The following DYM variants were observed in gnomAD, a reference collection of about 807,000 sequenced individuals.
DYM encodes dyggve-Melchior-Clausen syndrome protein.
Under a neutral mutation model 93.1 loss-of-function variants are expected in DYM, and 78 were observed. The ratio of observed to expected loss-of-function variants is 0.84; its 90% CI spans 0.70 to 1.01. The LOEUF (loss-of-function observed/expected upper bound fraction) is 1.01, where lower values mean the gene tolerates loss of function less well. Ranked by LOEUF, DYM falls within the 50% of genes least tolerant of loss-of-function variation. DYM has a pLI of 0.00. For missense variants in DYM, 789 were observed against 845.0 expected (o/e 0.93, Z 0.82); for synonymous variants, 321 against 319.7 (o/e 1.00, Z -0.04).
chr18:49,421,323 A>C (rs1396864977), intron 2 of DYM, among the ~76,000 whole-genome samples: 1 of 152,174 alleles, frequency 6.6e-6, no homozygotes, highest in East Asian at 1.9e-4. Flanking sequence ...ATCAGGCAGC[A>C]ACATTTGCTG....
intron 14 of DYM, among the ~76,000 whole-genome samples, chr18:49,176,824 A>G (rs2089436018): frequency 6.6e-6 from 1 of 152,096 alleles, no homozygotes; most frequent in African/African-American, 2.4e-5. Flanking sequence ...TACATATTTC[A>G]TGGACAATGG....
intron 5 of DYM, among the ~76,000 whole-genome samples, chr18:49,364,508 T>G (rs778189013): frequency 7.2e-5 from 11 of 151,964 alleles, no homozygotes; most frequent in Non-Finnish European, 1.3e-4. Flanking sequence ...TCATAACTAG[T>G]TAGTATTGTA....
At chr18:49,130,083 G>C (rs954799768) in intron 15 of DYM, among the ~76,000 whole-genome samples, 6 of 152,184 alleles carry the variant, frequency 3.9e-5, no homozygotes, top group African/African-American at 1.4e-4. Flanking sequence ...AGAAGGGACA[G>C]GAATGCAGAG....
At chr18:49,121,593 G>T (rs1252940279) in intron 15 of DYM, among the ~76,000 whole-genome samples, 6 of 151,786 alleles carry the variant, frequency 4.0e-5, no homozygotes, top group Non-Finnish European at 2.9e-5. Flanking sequence ...AAAACCAAAA[G>T]AACCCATGTA....
chr18:49,450,289 AC>A (rs1207294404), intron 1 of DYM, among the ~76,000 whole-genome samples: 1 of 152,216 alleles, frequency 6.6e-6, no homozygotes, highest in East Asian at 1.9e-4. Context: ...TAAAGACTTC[AC>A]CCCATGGTCA....
rs2067038659 is a variant in DYM at position 49,371,475 on chromosome 18, A to T, written c.421+7092T>A. Among the ~76,000 whole-genome samples the T allele has an allele frequency of 2.0e-5, 3 of 152,202 alleles. No homozygotes were observed. The South Asian group carries it at 6.2e-4, about 31-fold the overall frequency. On this transcript the variant is annotated intron_variant, in intron 5 of 17. Transcript: ENST00000675505. ...GTGACAGAAACTCTGTCTCAAAATAATAATAATAATAATACAATCAATGAC... is the reference window on the plus strand; with the variant it reads ...GTGACAGAAACTCTGTCTCAAAATATTAATAATAATAATACAATCAATGAC...
chr18:49,179,959 C>T (rs1262135793), intron 14 of DYM, among the ~76,000 whole-genome samples: 1 of 152,058 alleles, frequency 6.6e-6, no homozygotes. Context: ...ATTTTCCTTA[C>T]TTTTGGTAGA....
At chr18:49,322,287 T>C (rs1262678593) in intron 8 of DYM, among the ~76,000 whole-genome samples, 1 of 152,138 alleles carries the variant, frequency 6.6e-6, no homozygotes, top group African/African-American at 2.4e-5. Flanking sequence ...ACCTCAGTAC[T>C]TGTGGTGGAA....
At chr18:49,271,902 T>C (rs1000178782) in intron 11 of DYM, among the ~76,000 whole-genome samples, 1 of 150,010 alleles carries the variant, frequency 6.7e-6, no homozygotes. Context: ...AAAGTGGAAA[T>C]GAAATGCTGA....
At chr18:49,282,804 C>T (rs2095024021) in intron 9 of DYM, among the ~76,000 whole-genome samples, 1 of 152,088 alleles carries the variant, frequency 6.6e-6, no homozygotes, top group Non-Finnish European at 1.5e-5. Flanking sequence ...AGATAAAATA[C>T]TTTGTTACCA....
At chr18:49,159,539 A>C (rs912339366) in intron 15 of DYM, among the ~76,000 whole-genome samples, 1 of 152,248 alleles carries the variant, frequency 6.6e-6, no homozygotes, top group African/African-American at 2.4e-5. Flanking sequence ...ACTTGATGAA[A>C]ATAAATTTCA....
intron 8 of DYM, among the ~76,000 whole-genome samples, chr18:49,293,710 A>ATAT (rs2060327472): frequency 1.3e-5 from 2 of 152,120 alleles, no homozygotes; most frequent in African/African-American, 4.8e-5. Flanking sequence ...TAGATTCTGG[A>ATAT]TATTAGCCTT....
Position 49,307,646 on chromosome 18 carries a change from T to C in DYM, c.764-21030A>G, listed in dbSNP as rs556520792. Among the ~76,000 whole-genome samples, 85 of 152,328 alleles carry C rather than the reference T, an allele frequency of 5.6e-4. 1 individual carries two copies. Among genetic ancestry groups the C allele is most frequent in the Admixed American group, 5.9e-4 (9 of 15,304 alleles). On this transcript the variant is annotated intron_variant, in intron 8 of 17. Transcript: ENST00000675505. Reference sequence around the variant, plus strand: ...CCCAAGAATACTCCTTTTCACTTGATATGGCAGAAAAGATAGTTTACCTTC... The same window carrying C: ...CCCAAGAATACTCCTTTTCACTTGACATGGCAGAAAAGATAGTTTACCTTC...
chr18:49,295,796 T>C (rs567086554), intron 8 of DYM, among the ~76,000 whole-genome samples: 1 of 152,306 alleles, frequency 6.6e-6, no homozygotes, highest in South Asian at 2.1e-4. Flanking sequence ...TTTAAGCTTG[T>C]TATTTCAAGA....
At chr18:49,171,105 G>A (rs1056808528) in intron 14 of DYM, among the ~76,000 whole-genome samples, 3 of 152,206 alleles carry the variant, frequency 2.0e-5, no homozygotes, top group Non-Finnish European at 4.4e-5. Context: ...GAGGGGAGGA[G>A]GAGGCGGAAG....
chr18:49,337,997 G>A (rs566816842), intron 6 of DYM, among the ~76,000 whole-genome samples: 12 of 152,252 alleles, frequency 7.9e-5, no homozygotes, highest in South Asian at 4.2e-4. Context: ...AAAGGGACTC[G>A]AACTGGGAGT....
At chr18:49,398,887 A>T (rs142419757) in intron 2 of DYM, among the ~76,000 whole-genome samples, 123 of 152,336 alleles carry the variant, frequency 8.1e-4, no homozygotes, top group African/African-American at 2.6e-3. Context: ...AAGAGGTATA[A>T]AATGCAAAGG....
At chr18:49,396,486 A>G (rs1224370194) in intron 2 of DYM, among the ~76,000 whole-genome samples, 1 of 152,160 alleles carries the variant, frequency 6.6e-6, no homozygotes, top group Non-Finnish European at 1.5e-5. Flanking sequence ...TACAGTGAGC[A>G]TTATCCTCTA....
At chr18:49,428,270 G>A (rs533743435) in intron 2 of DYM, among the ~76,000 whole-genome samples, 1 of 151,918 alleles carries the variant, frequency 6.6e-6, no homozygotes, top group South Asian at 2.1e-4. Flanking sequence ...GGGTAACAGA[G>A]CAAGACCCCA....
Sources: gnomAD v4.1 joint callset for allele counts (sites outside exome capture counted in the v4.1 genomes callset) on GRCh38, gnomAD v4.1.1 for gene constraint, MANE v1.5 for transcripts, NCBI Gene and HGNC (gene_info 2026-07-23, HGNC 2026-07-21) for gene names.